Variants in CSDE1 observed in about 807,000 individuals in gnomAD.
CSDE1 encodes cold shock domain containing E1.
A neutral mutation model predicts 89.3 loss-of-function variants in CSDE1; 17 were observed. The ratio of observed to expected loss-of-function variants is 0.19; its 90% CI spans 0.13 to 0.29. The LOEUF is 0.29. Ranked by LOEUF, CSDE1 falls within the 10% of genes least tolerant of loss-of-function variation. The probability of loss-of-function intolerance (pLI) is 1.00; values close to 1 mark genes in which losing one functional copy is unlikely to be tolerated. For missense variants in CSDE1, 672 were observed against 984.2 expected (o/e 0.68, Z 4.24); for synonymous variants, 322 against 332.8 (o/e 0.97, Z 0.35).
chr1:114,736,624 A>G (rs1660415616), intron 6 of CSDE1, 134 bp downstream of exon 6: 2 of 604,134 alleles, frequency 3.3e-6, no homozygotes, highest in African/African-American at 3.7e-5. Flanking sequence ...ACCTCAAAGC[A>G]TTAGTTGATG....
rs144954789 is a variant in CSDE1, at chr1:114,732,775, G to A, written c.879C>T (p.Ile293=). 82 of 1,614,156 alleles carry A rather than the reference G, an allele frequency of 5.1e-5. No homozygotes were observed. The African/African-American group carries it at 1.0e-3, about 20-fold the overall frequency. Reference sequence around the variant, plus strand: ...TGTCTCCAAAGGGAAGTTCTTTAGGGATCACAAAGTCAACTTTGATGCGTC... The same window carrying A: ...TGTCTCCAAAGGGAAGTTCTTTAGGAATCACAAAGTCAACTTTGATGCGTC... The part of the protein sequence containing the change: ...LPGRIKVDFV[I]PKELPFGDKD... The change falls in exon 10 of 20, where the codon ATC becomes ATT. Residue 293 remains isoleucine (I), a synonymous_variant. Coordinates refer to ENST00000358528, the MANE Select transcript of CSDE1 (RefSeq NM_001007553.3).
intron 2 of CSDE1, among the ~76,000 whole-genome samples, chr1:114,745,536 G>A (rs1660967957): frequency 6.6e-6 from 1 of 152,164 alleles, no homozygotes; most frequent in Non-Finnish European, 1.5e-5. Flanking sequence ...CGCTAAAAAT[G>A]GCAAATGTGG....
chr1:114,747,333 T>C lies in CSDE1; in HGVS notation c.-1+2488A>G, dbSNP rs147715702. On this transcript the variant is annotated intron_variant, in intron 2 of 19. Transcript: ENST00000358528. Reference sequence around the variant, plus strand: ...TTCTTAGCTGTGTGCCCCCTTTAACTGAACTATTTCACAACTGTACAACCA... The same window carrying C: ...TTCTTAGCTGTGTGCCCCCTTTAACCGAACTATTTCACAACTGTACAACCA... Among the ~76,000 whole-genome samples, 19 of 152,336 alleles carry C rather than the reference T, an allele frequency of 1.2e-4. No individual in the cohort carries two copies. The East Asian group carries it at 3.5e-3, about 28-fold the overall frequency.
chr1:114,752,539 T>C (rs17544384), intron 1 of CSDE1, among the ~76,000 whole-genome samples: 21,630 of 152,244 alleles, frequency 0.14, 2,119 homozygotes, highest in Non-Finnish European at 0.21. Context: ...CAGGTGTCTC[T>C]ATTCTACCTT....
At chr1:114,753,430 A>C (rs1205517486) in intron 1 of CSDE1, among the ~76,000 whole-genome samples, 1 of 152,182 alleles carries the variant, frequency 6.6e-6, no homozygotes, top group South Asian at 2.1e-4. Flanking sequence ...TAGTTAACTA[A>C]ATGTTTTTCA....
At position 114,718,241 on chromosome 1, in the gene CSDE1, C is replaced by G. The variant is rs773967564; in HGVS notation, c.2350-25G>C. ...CCTGTGGGGGGGAGAAAAAAAAAAC[C>G]CTGCAGTTAATGATTTGAGCGCACA... On this transcript the variant is annotated intron_variant, in intron 19 of 19. Coordinates refer to ENST00000358528, the MANE Select transcript of CSDE1 (RefSeq NM_001007553.3). The G allele has an allele frequency of 1.2e-5, 19 of 1,606,326 alleles. No individual in the cohort carries two copies. The South Asian group carries it at 2.0e-4, about 17-fold the overall frequency.
chr1:114,727,098 G>C lies in CSDE1; in HGVS notation c.1357-8C>G, dbSNP rs768055837. 5 of 1,579,800 alleles carry C rather than the reference G, an allele frequency of 3.2e-6. No individual in the cohort carries two copies. The highest frequency in any genetic ancestry group is 4.3e-6 in the Non-Finnish European group (5 of 1,149,960). The stretch of plus-strand genomic sequence containing the variant: ...AATGCCATCCTCAGCCTCCTAAAGA[G>C]ATACAGTCAAAAACAGAATGAAAAC... On this transcript the variant is annotated splice_region_variant and splice_polypyrimidine_tract_variant and intron_variant, in intron 12 of 19. Transcript: ENST00000358528.
chr1:114,727,911 G>T (rs1363450858), intron 12 of CSDE1: 1 of 152,098 alleles, frequency 6.6e-6, no homozygotes, highest in Non-Finnish European at 1.5e-5. Flanking sequence ...AAATTATACT[G>T]ATTTTATGGT....
chr1:114,746,679 T>C lies in CSDE1; in HGVS notation c.-1+3142A>G, dbSNP rs889671757. On this transcript the variant is annotated intron_variant, in intron 2 of 19. Transcript: ENST00000358528. ...GTCTCTGAAAAAAGCAGGGCGAGGATAGCATCTGGCAGCATACACCTGGAG... is the reference window on the plus strand; with the variant it reads ...GTCTCTGAAAAAAGCAGGGCGAGGACAGCATCTGGCAGCATACACCTGGAG... 9.2e-5 allele frequency: 14 copies of C among 152,282 alleles called. No individual in the cohort carries two copies. In the East Asian group the frequency reaches 2.5e-3, roughly 27 times the overall value. 9.4% of individuals were successfully genotyped at this position (152,282 alleles called of 1,614,324 possible).
At chr1:114,730,969 A>C (rs1288108398) in intron 10 of CSDE1, among the ~76,000 whole-genome samples, 3 of 152,228 alleles carry the variant, frequency 2.0e-5, no homozygotes, top group Non-Finnish European at 4.4e-5. Flanking sequence ...AATCTCCAGA[A>C]ACTTCACTAA....
intron 1 of CSDE1, among the ~76,000 whole-genome samples, chr1:114,754,079 C>A (rs999754142): frequency 2.6e-5 from 4 of 152,242 alleles, no homozygotes; most frequent in Non-Finnish European, 5.9e-5. Context: ...ATCTCCACCT[C>A]CCGGGTTCAA....
At chr1:114,743,186 C>T (rs1487736676) in intron 2 of CSDE1, among the ~76,000 whole-genome samples, 1 of 151,980 alleles carries the variant, frequency 6.6e-6, no homozygotes, top group Non-Finnish European at 1.5e-5. Context: ...CTTGCTCTGT[C>T]ACCCAGGCTG....
chr1:114,721,185 T>C (rs1440906563), intron 16 of CSDE1, among the ~76,000 whole-genome samples: 2 of 152,118 alleles, frequency 1.3e-5, no homozygotes, highest in Non-Finnish European at 2.9e-5. Context: ...TTTTTTTTTG[T>C]TCGAATTCTG....
chr1:114,757,332 G>A (rs939402804), intron 1 of CSDE1, among the ~76,000 whole-genome samples: 1 of 152,092 alleles, frequency 6.6e-6, no homozygotes, highest in Non-Finnish European at 1.5e-5. Context: ...CAGGGTCTCA[G>A]TCTATACACA....
In CSDE1 at chr1:114,729,391, A is replaced by G. The variant is rs1403257633; in HGVS notation, c.1356+867T>C. 2.0e-5 allele frequency among the ~76,000 whole-genome samples: 3 copies of G among 151,606 alleles called. No individual in the cohort carries two copies. In the East Asian group the frequency reaches 5.8e-4, roughly 30 times the overall value. On this transcript the variant is annotated intron_variant, in intron 12 of 19. Coordinates refer to ENST00000358528, the MANE Select transcript of CSDE1 (RefSeq NM_001007553.3). ...TGGGTTTACAGGTGTGAGCCACCGC[A>G]CCTGACAATAAGGTCTAAATTCTTT...
Position 114,748,358 on chromosome 1 carries a change from A to G in CSDE1, c.-1+1463T>C, listed in dbSNP as rs1278543366. The G allele has an allele frequency of 2.0e-5, 3 of 152,230 alleles. No individual in the cohort carries two copies. The East Asian group carries it at 5.8e-4, about 29-fold the overall frequency. The allele number at this position is 152,230 out of a possible 1,614,324, so 9.4% of individuals were successfully genotyped here. A position where few individuals can be genotyped will look rare whatever the true frequency, so the allele number is the denominator to read the frequency against. On this transcript the variant is annotated intron_variant, in intron 2 of 19. Coordinates refer to ENST00000358528, the MANE Select transcript of CSDE1 (RefSeq NM_001007553.3). ...TTCATTGGTGCTTCTTCCTTTTATTACCTATACACTGATGACTCCTTTCTG... is the reference window on the plus strand; with the variant it reads ...TTCATTGGTGCTTCTTCCTTTTATTGCCTATACACTGATGACTCCTTTCTG...
chr1:114,729,895 T>G lies in CSDE1; in HGVS notation c.1356+363A>C, dbSNP rs1660010309. Among the ~76,000 whole-genome samples, 3 of 152,162 alleles carry G rather than the reference T, an allele frequency of 2.0e-5. No individual in the cohort carries two copies. The South Asian group carries it at 6.2e-4, about 31-fold the overall frequency. On this transcript the variant is annotated intron_variant, in intron 12 of 19. Transcript: ENST00000358528. ...AATTGCCTGGAAGACAGTACTATCA[T>G]TTTATATAACTAGTTCTCTACTTGG...
At chr1:114,720,898 G>A (rs1659482086) in intron 16 of CSDE1, among the ~76,000 whole-genome samples, 181 bp from the exon 17 acceptor site, 1 of 152,126 alleles carries the variant, frequency 6.6e-6, no homozygotes, top group Non-Finnish European at 1.5e-5. Flanking sequence ...ATACTACCAT[G>A]GAACCAAATG....
intron 1 of CSDE1, among the ~76,000 whole-genome samples, chr1:114,752,741 C>A (rs1661374914): frequency 6.6e-6 from 1 of 152,206 alleles, no homozygotes; most frequent in African/African-American, 2.4e-5. Flanking sequence ...CAGACTCATT[C>A]ATTAATTCCT....
Sources: allele counts gnomAD v4.1 joint callset (sites outside exome capture counted in the v4.1 genomes callset), GRCh38; gene constraint gnomAD v4.1.1; transcripts MANE v1.5; gene names NCBI Gene and HGNC (gene_info 2026-07-23, HGNC 2026-07-21).